Variants in MVD observed in about 807,000 individuals in gnomAD.
MVD encodes the protein mevalonate diphosphate decarboxylase, also known as diphosphomevalonate decarboxylase.
In MVD, 52 loss-of-function variants were observed where a neutral mutation model predicts 42.4. That is an observed-to-expected ratio of 1.23 (90% confidence interval 0.98 to 1.55). MVD has a LOEUF of 1.55. MVD is among the 40% of genes most tolerant of loss of function. MVD has a pLI of 0.00. For missense variants in MVD, 663 were observed against 572.1 expected, an observed-to-expected ratio of 1.16 and a Z score of -1.62; for synonymous variants, 287 against 243.2, an observed-to-expected ratio of 1.18 and a Z score of -1.68.
At chr16:88,657,357 GCT>G in intron 4 of MVD, 77 bp downstream of exon 4, 1 of 1,517,064 alleles carries the variant, frequency 6.6e-7, no homozygotes, top group Admixed American at 2.0e-5. Context: ...CCAGCAGTGG[GCT>G]CCCTGACCCG....
chr16:88,657,416 G>A lies in MVD; in HGVS notation c.403+20C>T, dbSNP rs770114191. ...TGCGCCCACAGCCCAGAACCCCTGC[G>A]GGTCTCTGTGGGCACCCACCTAGGC... On this transcript the variant is annotated intron_variant, in intron 4 of 9. Coordinates refer to ENST00000301012, the MANE Select transcript of MVD (RefSeq NM_002461.3). 25 of 1,580,680 alleles carry A rather than the reference G, an allele frequency of 1.6e-5. No homozygotes were observed. Among genetic ancestry groups the A allele is most frequent in the Middle Eastern group, 1.7e-4 (1 of 6,022 alleles).
chr16:88,658,767 C>T (rs747413432), intron 1 of MVD, 47 bp from the exon 2 acceptor site: 2 of 1,491,484 alleles, frequency 1.3e-6, no homozygotes, highest in Non-Finnish European at 1.8e-6. Context: ...CCGGCCCACC[C>T]TCCCCCAGTG....
At chr16:88,653,549 G>A (rs1907716041) in intron 8 of MVD, 141 bp from the exon 9 acceptor site, 2 of 652,270 alleles carry the variant, frequency 3.1e-6, no homozygotes, top group Non-Finnish European at 5.1e-6. Context: ...GGTGGCTGCT[G>A]TGGGGACAGG....
At chr16:88,655,495 G>A in intron 6 of MVD, 78 bp from the exon 7 acceptor site, 1 of 1,519,252 alleles carries the variant, frequency 6.6e-7, no homozygotes. Flanking sequence ...CTCCGGGGTT[G>A]GAGGCCCGGC....
chr16:88,656,033 T>A, intron 5 of MVD, 72 bp downstream of exon 5: 2 of 1,520,388 alleles, frequency 1.3e-6, no homozygotes, highest in East Asian at 2.3e-5. Flanking sequence ...CCTTCGCTCC[T>A]GCTCCCGGCA....
At chr16:88,657,837 C>T (rs1908033796) in intron 3 of MVD, 78 bp downstream of exon 3, 1 of 1,479,232 alleles carries the variant, frequency 6.8e-7, no homozygotes, top group African/African-American at 1.4e-5. Flanking sequence ...AGGAGGGGCA[C>T]AGAGGCAGAA....
Position 88,655,263 on chromosome 16 carries a change from T to C in MVD, c.833A>G (p.Asn278Ser), listed in dbSNP as rs375976649. Residue 278 changes from asparagine to serine, a missense_variant, in exon 7 of 10, where the codon AAT becomes AGT. Physicochemically the swap from Asn to Ser is conservative, Grantham distance 46 (BLOSUM62 1). Transcript: ENST00000301012. ...LDTFPPISYL[N>S]AISWRIIHLV... ...GTGGATGATGCGCCAGGAGATGGCA[T>C]TGAGGTAAGAGATGGGCGGGAAGGT... 4.6e-5 allele frequency: 73 copies of C among 1,589,972 alleles called. No individual in the cohort carries two copies. The highest frequency in any genetic ancestry group is 5.5e-5 in the Non-Finnish European group (64 of 1,168,368).
chr16:88,661,847 A>AAC (rs1908312750), intron 1 of MVD, among the ~76,000 whole-genome samples: 1 of 149,592 alleles, frequency 6.7e-6, no homozygotes, highest in Non-Finnish European at 1.5e-5. Context: ...TTTCTTTAAA[A>AAC]AAAAAAAGTA....
intron 1 of MVD, chr16:88,659,073 C>T: frequency 3.0e-6 from 1 of 331,712 alleles, no homozygotes; most frequent in Non-Finnish European, 5.9e-6. Context: ...TCTGAGAACT[C>T]CTCACATCTC....
At chr16:88,655,562 G>A in intron 6 of MVD, 94 bp downstream of exon 6, 1 of 1,518,246 alleles carries the variant, frequency 6.6e-7, no homozygotes, top group South Asian at 1.2e-5. Context: ...GCTGCCGCAG[G>A]TGTGAGAACA....
chr16:88,654,722 T>C lies in MVD; in HGVS notation c.983A>G (p.His328Arg), dbSNP rs760972093. 16 of 1,602,172 alleles carry C rather than the reference T, an allele frequency of 1.0e-5. No individual in the cohort carries two copies. Among genetic ancestry groups the C allele is most frequent in the Non-Finnish European group, 1.4e-5 (16 of 1,176,346 alleles). ...TVAEFVAAVW[H>R]GFPPGSNGDT... ...TCCATTCGAGCCTGGGGGAAAGCCG[T>C]GCCACACAGCAGCCACAAACTCAGC... is the stretch of plus-strand genomic sequence containing the variant. Residue 328 changes from histidine (H) to arginine (R), a missense_variant, in exon 8 of 10, where the codon CAC becomes CGC. Transcript: ENST00000301012.
rs754478590 is a variant in MVD at position 88,662,814 on chromosome 16, G to C, written c.70+197C>G. 5 of 1,468,398 alleles carry C rather than the reference G, an allele frequency of 3.4e-6. No individual in the cohort carries two copies. The South Asian group carries it at 6.6e-5, about 19-fold the overall frequency. The allele number at this position is 1,468,398 out of a possible 1,614,324, so 91.0% of individuals were successfully genotyped here. On this transcript the variant is annotated intron_variant, in intron 1 of 9. Transcript: ENST00000301012. ...GGCGGCAGCCGTCGCGGGGGAACGG[G>C]TGGCGCCGAGCTTGTCACGCGAAGG...
chr16:88,653,714 C>T, intron 8 of MVD: 1 of 296,028 alleles, frequency 3.4e-6, no homozygotes, highest in South Asian at 4.2e-5. Flanking sequence ...CCAGGCTGGA[C>T]CCACATCTGG....
chr16:88,660,370 C>T (rs1908216517), intron 1 of MVD: 1 of 152,204 alleles, frequency 6.6e-6, no homozygotes, highest in African/African-American at 2.4e-5. Context: ...GTTGGTGAGC[C>T]TCAGTGGCTC....
intron 1 of MVD, chr16:88,659,423 C>G (rs890340669): frequency 6.6e-6 from 1 of 152,654 alleles, no homozygotes; most frequent in Admixed American, 6.5e-5. Context: ...CCTGACAGGC[C>G]GGGCGAACCT....
rs747271217 is a variant in MVD, at chr16:88,653,338, G to C, written c.1084C>G (p.Pro362Ala). ...AELQAALAME[P>A]TPGGVKYIIV... ...ATGTATTTGACCCCACCGGGGGTCG[G>C]CTCCATGGCCAGCGCAGCCTGAAGC... Residue 362 changes from proline to alanine, a missense_variant, in exon 9 of 10, where the codon CCG (proline) becomes GCG (alanine). Pro to Ala is a conservative substitution (Grantham distance 27, BLOSUM62 -1). Coordinates refer to ENST00000301012, the MANE Select transcript of MVD (RefSeq NM_002461.3). 13 of 1,600,800 alleles carry C rather than the reference G, an allele frequency of 8.1e-6. No homozygotes were observed. The highest frequency in any genetic ancestry group is 1.1e-5 in the Non-Finnish European group (13 of 1,176,552).
intron 1 of MVD, among the ~76,000 whole-genome samples, chr16:88,661,319 GA>G (rs1908275616): frequency 3.3e-5 from 5 of 152,156 alleles, no homozygotes; most frequent in African/African-American, 1.2e-4. Context: ...AGGACAAAAA[GA>G]TTAGCTAGTT....
At chr16:88,662,725 C>T (rs1467159686) in intron 1 of MVD, 1 of 1,445,122 alleles carries the variant, frequency 6.9e-7, no homozygotes, top group Admixed American at 2.3e-5. Context: ...TCATGGGAAT[C>T]GATGATTGAT....
chr16:88,652,925 T>C (rs1220140393), intron 9 of MVD, among the ~76,000 whole-genome samples: 1 of 152,108 alleles, frequency 6.6e-6, no homozygotes, highest in African/African-American at 2.4e-5. Context: ...GGATGCAAGC[T>C]TGGCCCTCGG....
Sources: gnomAD v4.1 joint callset for allele counts (sites outside exome capture counted in the v4.1 genomes callset) on GRCh38, gnomAD v4.1.1 for gene constraint, MANE v1.5 for transcripts, NCBI Gene and HGNC (gene_info 2026-07-23, HGNC 2026-07-21) for gene names.